SAMD4A: variants seen among roughly 807,000 people sequenced by gnomAD.
The protein encoded by SAMD4A is sterile alpha motif domain containing 4A.
Under a neutral mutation model 81.3 loss-of-function variants are expected in SAMD4A, and 33 were observed. That is an observed-to-expected ratio of 0.41 (90% CI 0.31 to 0.54). SAMD4A has a LOEUF of 0.54. SAMD4A is among the 20% of genes least tolerant of loss of function. The probability of loss-of-function intolerance (pLI) is 0.37; values close to 1 mark genes in which losing one functional copy is unlikely to be tolerated. For missense variants in SAMD4A, 854 were observed against 951.1 expected (o/e 0.90, Z 1.34); for synonymous variants, 389 against 382.1 (o/e 1.02, Z -0.21).
intron 9 of SAMD4A, among the ~76,000 whole-genome samples, chr14:54,773,632 C>T (rs1452877617): frequency 2.0e-5 from 3 of 152,234 alleles, no homozygotes; most frequent in South Asian, 4.1e-4. Context: ...AGCCTCCCTG[C>T]CCGGACCCAG....
At chr14:54,639,801 A>AATAC (rs34386307) in intron 2 of SAMD4A, among the ~76,000 whole-genome samples, 33 of 148,950 alleles carry the variant, frequency 2.2e-4, no homozygotes, top group African/African-American at 6.9e-4. Context: ...CATTGCTTGA[A>AATAC]ACACACACAC....
chr14:54,785,556 AAGCGAT>A (rs755893961), intron 12 of SAMD4A, among the ~76,000 whole-genome samples: 6 of 152,136 alleles, frequency 3.9e-5, no homozygotes, highest in Non-Finnish European at 8.8e-5. Flanking sequence ...AAAGGCCGAG[AAGCGAT>A]AGCCCTATCC....
In SAMD4A at chr14:54,702,111, C is replaced by G; in HGVS notation, c.246C>G (p.Leu82=). The change falls in exon 3 of 13, where the codon CTC becomes CTG. Residue 82 remains leucine (L), a synonymous_variant. Transcript: ENST00000554335. The part of the protein sequence containing the change: ...QQESKDKVIS[L]LLTHLPLLKP... ...AATCCAAGGATAAAGTGATTTCCCT[C>G]CTGTTAACTCATCTGCCTTTGCTGA... 1.2e-6 allele frequency: 2 copies of G among 1,614,164 alleles called. No individual in the cohort carries two copies. The highest frequency in any genetic ancestry group is 1.7e-6 in the Non-Finnish European group (2 of 1,180,018).
intron 6 of SAMD4A, among the ~76,000 whole-genome samples, chr14:54,752,349 T>G (rs1049615825): frequency 9.2e-5 from 14 of 152,202 alleles, no homozygotes; most frequent in African/African-American, 3.1e-4. Flanking sequence ...GCATTGCTTC[T>G]GCCTCAGGGT....
chr14:54,593,875 T>C (rs759643923), intron 2 of SAMD4A, among the ~76,000 whole-genome samples: 2 of 151,898 alleles, frequency 1.3e-5, no homozygotes, highest in Non-Finnish European at 2.9e-5. Flanking sequence ...ATGAGCCAAG[T>C]GGGGGAGAAT....
chr14:54,691,312 A>G (rs1262427591), intron 2 of SAMD4A, among the ~76,000 whole-genome samples: 1 of 152,068 alleles, frequency 6.6e-6, no homozygotes, highest in Non-Finnish European at 1.5e-5. Context: ...CTTCTGTAGC[A>G]TCCCCACCAA....
chr14:54,625,623 C>T (rs1485485567), intron 2 of SAMD4A, among the ~76,000 whole-genome samples: 1 of 152,034 alleles, frequency 6.6e-6, no homozygotes, highest in Non-Finnish European at 1.5e-5. Flanking sequence ...AAAATGTGTC[C>T]CCATATTTGC....
At chr14:54,601,084 C>T (rs767718681) in intron 2 of SAMD4A, among the ~76,000 whole-genome samples, 3 of 152,134 alleles carry the variant, frequency 2.0e-5, no homozygotes, top group South Asian at 2.1e-4. Context: ...AATTCCTCTT[C>T]GAGCTCAGCA....
At chr14:54,611,860 G>C (rs1347044153) in intron 2 of SAMD4A, among the ~76,000 whole-genome samples, 1 of 150,112 alleles carries the variant, frequency 6.7e-6, no homozygotes, top group Non-Finnish European at 1.5e-5. Flanking sequence ...CTGGGTGACA[G>C]AGTGAGACTC....
At chr14:54,645,489 A>G (rs1199859458) in intron 2 of SAMD4A, among the ~76,000 whole-genome samples, 2 of 152,210 alleles carry the variant, frequency 1.3e-5, no homozygotes, top group East Asian at 1.9e-4. Flanking sequence ...TTACAAAAAT[A>G]TGTGACTCTA....
rs1046943149 is a variant in SAMD4A at position 54,651,302 on chromosome 14, A to G, written c.197-50760A>G. Among the ~76,000 whole-genome samples the G allele has an allele frequency of 2.0e-5, 3 of 152,170 alleles. No individual in the cohort carries two copies. The East Asian group carries it at 5.8e-4, about 29-fold the overall frequency. On this transcript the variant is annotated intron_variant, in intron 2 of 12. Transcript: ENST00000554335. Reference sequence around the variant, plus strand: ...CTGTCAACTTGCTGTTTATTGAAATACCTTTTATTGTAATGCACCAAGTAA... The same window carrying G: ...CTGTCAACTTGCTGTTTATTGAAATGCCTTTTATTGTAATGCACCAAGTAA...
At chr14:54,667,831 T>G (rs1566574702) in intron 2 of SAMD4A, among the ~76,000 whole-genome samples, 1 of 152,194 alleles carries the variant, frequency 6.6e-6, no homozygotes, top group African/African-American at 2.4e-5. Flanking sequence ...TTGCTTATGT[T>G]GTCTTCTTTT....
chr14:54,741,810 T>C (rs2037850524), intron 4 of SAMD4A, among the ~76,000 whole-genome samples: 1 of 152,136 alleles, frequency 6.6e-6, no homozygotes, highest in Non-Finnish European at 1.5e-5. Context: ...GCATTCTATG[T>C]AGAGGGAACA....
Position 54,649,725 on chromosome 14 carries a change from G to T in SAMD4A, c.197-52337G>T, listed in dbSNP as rs144403882. Reference sequence around the variant, plus strand: ...TGACTGAAATTGTTTTTGCAAGCAGGCATAAGTGTCAGAATTTAAGAGAAT... The same window carrying T: ...TGACTGAAATTGTTTTTGCAAGCAGTCATAAGTGTCAGAATTTAAGAGAAT... On this transcript the variant is annotated intron_variant, in intron 2 of 12. Coordinates refer to ENST00000554335, the MANE Select transcript of SAMD4A (RefSeq NM_015589.6). 6.5e-3 allele frequency among the ~76,000 whole-genome samples: 994 copies of T among 152,316 alleles called. 4 individuals are homozygous for T. Among genetic ancestry groups the T allele is most frequent in the Admixed American group, 0.01 (155 of 15,306 alleles).
Position 54,695,502 on chromosome 14 carries a change from G to T in SAMD4A, c.197-6560G>T, listed in dbSNP as rs2036551730. On this transcript the variant is annotated intron_variant, in intron 2 of 12. Coordinates refer to ENST00000554335, the MANE Select transcript of SAMD4A (RefSeq NM_015589.6). ...AAGACAGCAAGGTAGAAGCTGCAATGCTTTTTATGACCTAAGGTCAGAACG... is the reference window on the plus strand; with the variant it reads ...AAGACAGCAAGGTAGAAGCTGCAATTCTTTTTATGACCTAAGGTCAGAACG... Among the ~76,000 whole-genome samples the T allele has an allele frequency of 2.0e-5, 3 of 152,210 alleles. No homozygotes were observed. The South Asian group carries it at 6.2e-4, about 32-fold the overall frequency.
intron 3 of SAMD4A, among the ~76,000 whole-genome samples, chr14:54,705,459 G>C (rs1005596303): frequency 6.6e-6 from 1 of 152,158 alleles, no homozygotes; most frequent in South Asian, 2.1e-4. Context: ...AACAATCTGC[G>C]TAAGACAATA....
At chr14:54,628,661 G>A (rs1451150420) in intron 2 of SAMD4A, among the ~76,000 whole-genome samples, 1 of 152,152 alleles carries the variant, frequency 6.6e-6, no homozygotes, top group Non-Finnish European at 1.5e-5. Flanking sequence ...ATTGTACTAA[G>A]TACTTGATAA....
At chr14:54,774,687 G>A (rs1360207081) in intron 9 of SAMD4A, among the ~76,000 whole-genome samples, 1 of 151,200 alleles carries the variant, frequency 6.6e-6, no homozygotes, top group Admixed American at 6.6e-5. Context: ...GGTGGCACAT[G>A]CCTGTAGTCC....
chr14:54,673,928 T>C (rs1476937126), intron 2 of SAMD4A, among the ~76,000 whole-genome samples: 1 of 152,232 alleles, frequency 6.6e-6, no homozygotes, highest in East Asian at 1.9e-4. Context: ...CACTCTTCCC[T>C]ACTTTCTGAA....
Sources: allele counts gnomAD v4.1 joint callset (sites outside exome capture counted in the v4.1 genomes callset), GRCh38; gene constraint gnomAD v4.1.1; transcripts MANE v1.5; gene names NCBI Gene and HGNC (gene_info 2026-07-23, HGNC 2026-07-21).